The following WNK1 variants were observed in gnomAD, a reference collection of about 807,000 sequenced individuals.
WNK1 encodes the protein WNK lysine deficient protein kinase 1.
In WNK1, 38 loss-of-function variants were observed where a neutral mutation model predicts 222.8. The observed-to-expected ratio is 0.17, with a 90% CI of 0.13 to 0.22. WNK1 has a LOEUF of 0.22. Ranked by LOEUF, WNK1 falls within the 10% of genes least tolerant of loss-of-function variation. The pLI is 1.00. For synonymous variants in WNK1, 1,090 were observed against 1,092.9 expected (o/e 1.00, Z 0.05); for missense variants, 2,348 against 2,918.4 (o/e 0.80, Z 4.50).
At chr12:908,372 G>C in intron 27 of WNK1, 103 bp from the exon 28 acceptor site, 1 of 1,223,100 alleles carries the variant, frequency 8.2e-7, no homozygotes, top group South Asian at 1.2e-5. Context: ...ACAGAAGACT[G>C]TTCTGCTGTA....
At chr12:799,558 A>G (rs1041484785) in intron 1 of WNK1, among the ~76,000 whole-genome samples, 1 of 152,210 alleles carries the variant, frequency 6.6e-6, no homozygotes, top group African/African-American at 2.4e-5. Context: ...TTATAAAAGT[A>G]GATTGGGCAG....
At chr12:888,657 G>C (rs944607016) in intron 20 of WNK1, among the ~76,000 whole-genome samples, 4 of 152,178 alleles carry the variant, frequency 2.6e-5, no homozygotes, top group Admixed American at 6.5e-5. Flanking sequence ...AAGTATACAT[G>C]TAAGAAAGAG....
At chr12:796,198 T>A (rs1238405882) in intron 1 of WNK1, among the ~76,000 whole-genome samples, 1 of 152,118 alleles carries the variant, frequency 6.6e-6, no homozygotes, top group Non-Finnish European at 1.5e-5. Flanking sequence ...TAATTTTTTT[T>A]AGTGGTTGCT....
chr12:768,833 CG>C (rs943790939), intron 1 of WNK1, among the ~76,000 whole-genome samples: 7 of 150,728 alleles, frequency 4.6e-5, no homozygotes, highest in African/African-American at 1.5e-4. Flanking sequence ...TTTTTTGAGA[CG>C]GAGTCTTGCT....
At chr12:889,301 A>G in intron 21 of WNK1, 78 bp downstream of exon 21, 1 of 1,212,940 alleles carries the variant, frequency 8.2e-7, no homozygotes, top group Non-Finnish European at 1.2e-6. Flanking sequence ...TGTAACCTAA[A>G]CCATTATTAA....
In WNK1 at chr12:896,126, C is replaced by G; in HGVS notation, c.5639C>G (p.Ala1880Gly). The G allele has an allele frequency of 6.2e-7, 1 of 1,614,200 alleles. No homozygotes were observed. The highest frequency in any genetic ancestry group is 8.5e-7 in the Non-Finnish European group (1 of 1,180,034). Residue 1880 changes from alanine (A) to glycine (G), a missense_variant, in exon 24 of 28, where the codon GCA becomes GGA. Ala to Gly is a moderately conservative substitution (Grantham distance 60). Coordinates refer to ENST00000315939, the MANE Select transcript of WNK1 (RefSeq NM_018979.4). ...GAGGGTAAAAATAAGTCAGAAGATG[C>G]AAAGTCTGTTCATTTTGAATCCAGC... ...QKEGKNKSED[A>G]KSVHFESSTS...
intron 1 of WNK1, among the ~76,000 whole-genome samples, chr12:805,430 G>T (rs1343386862): frequency 6.6e-6 from 1 of 152,164 alleles, no homozygotes; most frequent in Non-Finnish European, 1.5e-5. Flanking sequence ...AACATTGTAT[G>T]TGTAAATGGA....
At chr12:838,086 T>A (rs1417974072) in intron 4 of WNK1, among the ~76,000 whole-genome samples, 4 of 151,302 alleles carry the variant, frequency 2.6e-5, no homozygotes, top group African/African-American at 4.9e-5. Flanking sequence ...CCAGTGTGTG[T>A]GTGTGTGTGT....
At chr12:783,236 C>T (rs1943908870) in intron 1 of WNK1, among the ~76,000 whole-genome samples, 1 of 152,060 alleles carries the variant, frequency 6.6e-6, no homozygotes. Context: ...AGCATATAAT[C>T]AGTATAAAAA....
At position 899,386 on chromosome 12, in the gene WNK1, A is replaced by G. The variant is rs564444581; in HGVS notation, c.6449-1090A>G. 7.9e-5 allele frequency among the ~76,000 whole-genome samples: 12 copies of G among 152,142 alleles called. No individual in the cohort carries two copies. The East Asian group carries it at 2.3e-3, about 29-fold the overall frequency. On this transcript the variant is annotated intron_variant, in intron 25 of 27. Coordinates refer to ENST00000315939, the MANE Select transcript of WNK1 (RefSeq NM_018979.4). The stretch of plus-strand genomic sequence containing the variant: ...CAGGTTCAAGCAATTCTCATGCCCC[A>G]GCCTCCCAAGTAGCTGGGATTACAA...
chr12:886,625 T>G (rs1306878380), intron 19 of WNK1, among the ~76,000 whole-genome samples: 1 of 152,246 alleles, frequency 6.6e-6, no homozygotes, highest in African/African-American at 2.4e-5. Context: ...GTGGATTTCC[T>G]CTTGTTCTGC....
chr12:758,443 A>G (rs1940532878), intron 1 of WNK1, among the ~76,000 whole-genome samples: 1 of 109,702 alleles, frequency 9.1e-6, no homozygotes, highest in Non-Finnish European at 1.7e-5. Flanking sequence ...TGCGGACTGC[A>G]GTGGCGCAAT....
intron 1 of WNK1, among the ~76,000 whole-genome samples, chr12:806,881 A>T (rs1946410129): frequency 6.6e-6 from 1 of 152,224 alleles, no homozygotes. Context: ...TTTTATGTAC[A>T]TGCTCAATAT....
intron 22 of WNK1, among the ~76,000 whole-genome samples, chr12:893,520 C>T (rs1028941667): frequency 1.3e-5 from 2 of 152,062 alleles, no homozygotes; most frequent in Admixed American, 6.6e-5. Flanking sequence ...TTTTAAATTG[C>T]CCAAAACTAA....
chr12:828,213 G>A (rs1948514708), intron 3 of WNK1, among the ~76,000 whole-genome samples: 1 of 151,956 alleles, frequency 6.6e-6, no homozygotes, highest in Non-Finnish European at 1.5e-5. Context: ...GGCTGAGGCA[G>A]GAGAATCACT....
At chr12:775,540 T>G (rs1942990255) in intron 1 of WNK1, among the ~76,000 whole-genome samples, 2 of 152,042 alleles carry the variant, frequency 1.3e-5, no homozygotes, top group African/African-American at 4.8e-5. Flanking sequence ...CAAGACCTCA[T>G]CTCTGCAAAA....
chr12:764,390 C>G (rs928468929), intron 1 of WNK1, among the ~76,000 whole-genome samples: 1 of 146,632 alleles, frequency 6.8e-6, no homozygotes, highest in African/African-American at 2.4e-5. Context: ...AATCCCAGCA[C>G]TTTGGGAGGC....
chr12:892,022 A>G (rs942773917), intron 22 of WNK1, among the ~76,000 whole-genome samples: 2 of 148,942 alleles, frequency 1.3e-5, no homozygotes, highest in African/African-American at 4.9e-5. Context: ...TTCAGATCCC[A>G]CATTATAACT....
chr12:885,553 C>T lies in WNK1; in HGVS notation c.4749C>T (p.Pro1583=), dbSNP rs1953574013. Residue 1583 remains proline, a synonymous_variant, in exon 19 of 28, where the codon CCC becomes CCT. Transcript: ENST00000315939. ...TGATAGCTTCTACTCCTATTCTTCCCCAAGCAGCAGGACCTACTTCTACAC... is the reference window on the plus strand; with the variant it reads ...TGATAGCTTCTACTCCTATTCTTCCTCAAGCAGCAGGACCTACTTCTACAC... ...PSVIASTPIL[P]QAAGPTSTPL... The T allele has an allele frequency of 6.2e-7, 1 of 1,613,992 alleles. No individual in the cohort carries two copies. The highest frequency in any genetic ancestry group is 8.5e-7 in the Non-Finnish European group (1 of 1,180,044).
Sources: allele counts gnomAD v4.1 joint callset (sites outside exome capture counted in the v4.1 genomes callset), GRCh38; gene constraint gnomAD v4.1.1; transcripts MANE v1.5; gene names NCBI Gene and HGNC (gene_info 2026-07-23, HGNC 2026-07-21).